SNTG1: variants seen among roughly 807,000 people sequenced by gnomAD.
SNTG1 encodes the protein gamma-1-syntrophin.
SNTG1 carries 39 observed loss-of-function variants against 74.7 expected under a neutral mutation model. The observed-to-expected ratio is 0.52, with a 90% confidence interval of 0.40 to 0.68. The LOEUF is 0.68. SNTG1 is among the 30% of genes least tolerant of loss of function. SNTG1 has a pLI of 0.00. For synonymous variants in SNTG1, 254 were observed against 217.1 expected, an observed-to-expected ratio of 1.17 and a Z score of -1.49; for missense variants, 685 against 609.5, an observed-to-expected ratio of 1.12 and a Z score of -1.30.
At chr8:50,536,170 C>T (rs1281036555) in intron 10 of SNTG1, among the ~76,000 whole-genome samples, 1 of 152,082 alleles carries the variant, frequency 6.6e-6, no homozygotes, top group Non-Finnish European at 1.5e-5. Flanking sequence ...GCACAGATTT[C>T]CTTGAGCAGT....
chr8:50,484,893 G>T (rs1172974235), intron 8 of SNTG1, among the ~76,000 whole-genome samples: 1 of 151,744 alleles, frequency 6.6e-6, no homozygotes, highest in Admixed American at 6.6e-5. Context: ...GAAAAAGAAA[G>T]AAATATGCTA....
At chr8:50,589,704 T>C (rs1292111707) in intron 12 of SNTG1, among the ~76,000 whole-genome samples, 2 of 152,136 alleles carry the variant, frequency 1.3e-5, no homozygotes, top group Admixed American at 1.3e-4. Context: ...TCATATGAAT[T>C]AGCAAAAAGT....
intron 2 of SNTG1, among the ~76,000 whole-genome samples, chr8:50,209,624 C>A (rs2084415199): frequency 6.6e-6 from 1 of 152,184 alleles, no homozygotes; most frequent in African/African-American, 2.4e-5. Context: ...TGGAGTGGAC[C>A]TCCAGCAAAC....
chr8:50,311,136 G>T (rs2090094885), intron 2 of SNTG1, among the ~76,000 whole-genome samples: 1 of 152,156 alleles, frequency 6.6e-6, no homozygotes. Context: ...TTCTGTTTTT[G>T]AAAATGTATT....
intron 2 of SNTG1, among the ~76,000 whole-genome samples, chr8:50,176,656 C>T (rs186277544): frequency 3.2e-4 from 49 of 152,266 alleles, no homozygotes; most frequent in South Asian, 1.4e-3. Flanking sequence ...AGGGAAGAAA[C>T]GGTAGTTTCT....
At chr8:49,947,166 C>T (rs147627827) in intron 1 of SNTG1, among the ~76,000 whole-genome samples, 1 of 151,784 alleles carries the variant, frequency 6.6e-6, no homozygotes, top group Non-Finnish European at 1.5e-5. Context: ...ACAGGCATGG[C>T]GGCACATGCT....
intron 4 of SNTG1, among the ~76,000 whole-genome samples, chr8:50,408,038 A>G (rs1020818691): frequency 2.0e-5 from 3 of 152,180 alleles, no homozygotes; most frequent in Non-Finnish European, 4.4e-5. Context: ...GGAAGTTACA[A>G]ATCTTCAGAC....
In SNTG1 at chr8:50,508,086, A is replaced by G. The variant is rs960137433; in HGVS notation, c.466+5206A>G. 4.8e-5 allele frequency among the ~76,000 whole-genome samples: 7 copies of G among 147,358 alleles called. No homozygotes were observed. The East Asian group carries it at 1.4e-3, about 28-fold the overall frequency. ...CTCCCCACTCCCCACTCCCCTCAAC[A>G]GGCTACGGTATGTGATGTTCCCCTT... On this transcript the variant is annotated intron_variant, in intron 9 of 18. Transcript: ENST00000642720.
At chr8:50,082,969 G>T (rs1005945145) in intron 1 of SNTG1, among the ~76,000 whole-genome samples, 9 of 151,932 alleles carry the variant, frequency 5.9e-5, no homozygotes, top group African/African-American at 1.7e-4. Flanking sequence ...TTTTTCAATT[G>T]CCACTGAGAT....
chr8:50,440,655 A>C (rs2093349940), intron 5 of SNTG1, among the ~76,000 whole-genome samples: 2 of 152,198 alleles, frequency 1.3e-5, no homozygotes, highest in South Asian at 4.1e-4. Context: ...TAAATACATA[A>C]ACGCATATCT....
At chr8:50,321,494 T>A (rs954228007) in intron 2 of SNTG1, among the ~76,000 whole-genome samples, 3 of 152,166 alleles carry the variant, frequency 2.0e-5, no homozygotes, top group Non-Finnish European at 4.4e-5. Flanking sequence ...TTAGCCACTC[T>A]ATGTCTTTTG....
At chr8:50,318,333 C>T in intron 2 of SNTG1, among the ~76,000 whole-genome samples, 1 of 152,158 alleles carries the variant, frequency 6.6e-6, no homozygotes, top group East Asian at 1.9e-4. Flanking sequence ...GGATACAATG[C>T]CTAACTGCAT....
At chr8:50,487,693 C>T (rs1282806748) in intron 8 of SNTG1, among the ~76,000 whole-genome samples, 23 of 45,384 alleles carry the variant, frequency 5.1e-4, no homozygotes, top group Non-Finnish European at 1.4e-3. Context: ...GTTGTGGGGT[C>T]GGAGGGGGGG....
intron 4 of SNTG1, among the ~76,000 whole-genome samples, chr8:50,407,957 A>G (rs1451107211): frequency 6.6e-6 from 1 of 152,168 alleles, no homozygotes; most frequent in Non-Finnish European, 1.5e-5. Context: ...ACTAGAATGC[A>G]AAGTCTGAAA....
intron 1 of SNTG1, among the ~76,000 whole-genome samples, chr8:49,948,743 G>A (rs999345108): frequency 3.9e-5 from 6 of 152,024 alleles, no homozygotes; most frequent in Non-Finnish European, 8.8e-5. Flanking sequence ...GCTCAGTTTC[G>A]GCAAAATTAG....
chr8:50,752,183 T>C (rs930779241), intron 18 of SNTG1, 72 bp downstream of exon 18: 9 of 779,258 alleles, frequency 1.2e-5, no homozygotes, highest in Non-Finnish European at 1.7e-5. Context: ...GAGGGGAAAC[T>C]TTCGGGGAAT....
At chr8:49,997,694 C>T (rs1317406398) in intron 1 of SNTG1, among the ~76,000 whole-genome samples, 1 of 152,124 alleles carries the variant, frequency 6.6e-6, no homozygotes, top group Non-Finnish European at 1.5e-5. Flanking sequence ...AAACTTGTGT[C>T]CTGGTTTTCC....
intron 17 of SNTG1, 85 bp downstream of exon 17, chr8:50,709,063 C>T (rs1426286091): frequency 4.3e-6 from 4 of 929,794 alleles, no homozygotes. Context: ...CTCCTTTCAG[C>T]ATTTTAATTG....
intron 8 of SNTG1, among the ~76,000 whole-genome samples, chr8:50,452,333 A>G (rs1290559796): frequency 6.6e-6 from 1 of 152,260 alleles, no homozygotes; most frequent in East Asian, 1.9e-4. Context: ...GTGAGAAACC[A>G]GCACAGCACA....
Sources: allele counts gnomAD v4.1 joint callset (sites outside exome capture counted in the v4.1 genomes callset), GRCh38; gene constraint gnomAD v4.1.1; transcripts MANE v1.5; gene names NCBI Gene and HGNC (gene_info 2026-07-23, HGNC 2026-07-21).